Variants in MYBPC2 observed in about 807,000 individuals in gnomAD.
MYBPC2 encodes myosin-binding protein C, fast-type.
MYBPC2 carries 122 observed loss-of-function variants against 137.0 expected under a neutral mutation model. The observed-to-expected ratio is 0.89, with a 90% CI of 0.77 to 1.03. The LOEUF is 1.03. MYBPC2 is among the 50% of genes least tolerant of loss of function. The probability of loss-of-function intolerance (pLI) is 0.00; values close to 1 mark genes in which losing one functional copy is unlikely to be tolerated. For synonymous variants in MYBPC2, 626 were observed against 612.3 expected (o/e 1.02, Z -0.33); for missense variants, 1,500 against 1,534.4 (o/e 0.98, Z 0.37).
rs1421890543 is a variant in MYBPC2 at position 50,435,522 on chromosome 19, G to A, written c.110-254G>A. On this transcript the variant is annotated intron_variant, in intron 2 of 27. Coordinates refer to ENST00000357701, the MANE Select transcript of MYBPC2 (RefSeq NM_004533.4). This position sits in a 1 kb window ranked among gnomAD's most constrained non-coding sequence, Gnocchi z 4.8. The stretch of plus-strand genomic sequence containing the variant: ...TCTCTAAACCTCTCCCGCCCCAAAG[G>A]CACATTCAGTGCCCTCCAGTCCACA... Among the ~76,000 whole-genome samples, 1 of 152,204 alleles carries A rather than the reference G, an allele frequency of 6.6e-6. No homozygotes were observed. The highest frequency in any genetic ancestry group is 1.9e-4 in the East Asian group (1 of 5,196).
intron 23 of MYBPC2, among the ~76,000 whole-genome samples, chr19:50,459,652 A>G (rs2039953319): frequency 1.7e-5 from 1 of 60,376 alleles, no homozygotes; most frequent in Non-Finnish European, 3.1e-5. Flanking sequence ...GAGGTGAGAG[A>G]TGAGGGATGG....
intron 4 of MYBPC2, 56 bp downstream of exon 4, chr19:50,436,216 A>G (rs1414870773): frequency 1.4e-5 from 22 of 1,538,118 alleles, no homozygotes; most frequent in Admixed American, 4.0e-5. Flanking sequence ...TGTGCAGGAC[A>G]TGCTCCTCAG....
intron 4 of MYBPC2, 32 bp downstream of exon 4, chr19:50,436,192 A>G: frequency 6.4e-7 from 1 of 1,564,780 alleles, no homozygotes; most frequent in Non-Finnish European, 8.7e-7. Flanking sequence ...GGGCTGGTGG[A>G]GGGGAGTGGA....
At position 50,466,195 on chromosome 19, in the gene MYBPC2, T is replaced by C. The variant is rs924819129; in HGVS notation, c.3416T>C (p.Val1139Ala). The C allele has an allele frequency of 6.2e-7, 1 of 1,613,746 alleles. No homozygotes were observed. The highest frequency in any genetic ancestry group is 1.3e-5 in the African/African-American group (1 of 74,900). ...CACCCGCTTTCTCGTTTTCCTGCAGTGCCGCAGTGAGACCTGTCCCCTACC... is the reference window on the plus strand; with the variant it reads ...CACCCGCTTTCTCGTTTTCCTGCAGCGCCGCAGTGAGACCTGTCCCCTACC... ...ALAECKLEVR[V>A]PQ Residue 1139 changes from valine (V) to alanine (A), a missense_variant and splice_region_variant, in exon 28 of 28, where the codon GTG (valine) becomes GCG (alanine). Coordinates refer to ENST00000357701, the MANE Select transcript of MYBPC2 (RefSeq NM_004533.4). This position sits in a 1 kb window ranked among gnomAD's most constrained non-coding sequence, Gnocchi z 4.9.
At chr19:50,437,155 G>T (rs183349088) in intron 5 of MYBPC2, among the ~76,000 whole-genome samples, 2 of 152,178 alleles carry the variant, frequency 1.3e-5, no homozygotes, top group African/African-American at 2.4e-5. Context: ...GGCTCTGGGG[G>T]TCTGCAGCCC....
At position 50,442,047 on chromosome 19, in the gene MYBPC2, T is replaced by C. The variant is rs149427707; in HGVS notation, c.770-134T>C. On this transcript the variant is annotated intron_variant, in intron 8 of 27. Transcript: ENST00000357701. Reference sequence around the variant, plus strand: ...AAGTTCTCAAGGATCTCTAAGTTCATAGGAGGCCCCCTGACTTCCTCACTT... The same window carrying C: ...AAGTTCTCAAGGATCTCTAAGTTCACAGGAGGCCCCCTGACTTCCTCACTT... 339 of 1,173,326 alleles carry C rather than the reference T, an allele frequency of 2.9e-4. No individual in the cohort carries two copies. In the African/African-American group the frequency reaches 4.5e-3, roughly 16 times the overall value. 72.7% of individuals were successfully genotyped at this position (1,173,326 alleles called of 1,614,324 possible).
Position 50,462,006 on chromosome 19 carries a change from C to T in MYBPC2, c.3198C>T (p.Ala1066=). 6.4e-7 allele frequency: 1 copy of T among 1,573,280 alleles called. No homozygotes were observed. Among genetic ancestry groups the T allele is most frequent in the Non-Finnish European group, 8.6e-7 (1 of 1,159,414 alleles). The stretch of plus-strand genomic sequence containing the variant: ...TGGTCGTGGCTGGGTACTCGGCAGC[C>T]CTCAACTGTGCTGTCAGAGGCCACC... ...DRVVVAGYSA[A]LNCAVRGHPK... Residue 1066 remains alanine, a synonymous_variant, in exon 26 of 28, where the codon GCC becomes GCT. Coordinates refer to ENST00000357701, the MANE Select transcript of MYBPC2 (RefSeq NM_004533.4).
At chr19:50,438,746 G>T (rs552834373) in intron 7 of MYBPC2, among the ~76,000 whole-genome samples, 1 of 151,946 alleles carries the variant, frequency 6.6e-6, no homozygotes, top group African/African-American at 2.4e-5. Context: ...TGTGTCTGTG[G>T]TCCTAACTAC....
At position 50,445,991 on chromosome 19, in the gene MYBPC2, CA is replaced by C; in HGVS notation, c.1246del (p.Arg416GlyfsTer7). On this transcript the variant is annotated frameshift_variant, in exon 12 of 28. Coordinates refer to ENST00000357701, the MANE Select transcript of MYBPC2 (RefSeq NM_004533.4). LOFTEE classifies it high-confidence loss of function. Reference protein sequence around the residue: ...LIFSDVVQEDRGRYQVITNGG... With the variant: ...LIFSDVVQEDXGRYQVITNGG... The stretch of plus-strand genomic sequence containing the variant: ...TCTTCTCAGACGTGGTCCAGGAGGA[CA>C]GGGGTCGCTATCAGGTCATAACCAA... 6.2e-7 allele frequency: 1 copy of C among 1,613,470 alleles called. No individual in the cohort carries two copies. Among genetic ancestry groups the C allele is most frequent in the South Asian group, 1.1e-5 (1 of 90,888 alleles).
chr19:50,463,733 G>A (rs2039990098), intron 26 of MYBPC2, among the ~76,000 whole-genome samples: 1 of 152,142 alleles, frequency 6.6e-6, no homozygotes, highest in Non-Finnish European at 1.5e-5. Flanking sequence ...GAGGTCAGGA[G>A]TTTGAGACCA....
Position 50,435,821 on chromosome 19 carries a change from G to C in MYBPC2, c.155G>C (p.Gly52Ala). The C allele has an allele frequency of 1.2e-6, 2 of 1,610,626 alleles. No homozygotes were observed. The highest frequency in any genetic ancestry group is 1.7e-6 in the Non-Finnish European group (2 of 1,178,448). ...DQSPTAEEPT[G>A]VFLKKPDSVS... Reference sequence around the variant, plus strand: ...TCCCCGACTGCAGAGGAGCCCACCGGCGTTTTCCTGAAGAAGCCGGACTCC... The same window carrying C: ...TCCCCGACTGCAGAGGAGCCCACCGCCGTTTTCCTGAAGAAGCCGGACTCC... Residue 52 changes from glycine (G) to alanine (A), a missense_variant, in exon 3 of 28, where the codon GGC becomes GCC. Physicochemically the swap from Gly to Ala is moderately conservative, Grantham distance 60. Coordinates refer to ENST00000357701, the MANE Select transcript of MYBPC2 (RefSeq NM_004533.4). This position sits in a 1 kb window ranked among gnomAD's most constrained non-coding sequence, Gnocchi z 4.8.
chr19:50,454,050 A>C lies in MYBPC2; in HGVS notation c.1780A>C (p.Ile594Leu). Residue 594 changes from isoleucine (I) to leucine (L), a missense_variant, in exon 17 of 28, where the codon ATC becomes CTC. Transcript: ENST00000357701. ...VFTTTEGRTRIEKRVDCSSFV... is the reference protein window; with the variant it reads ...VFTTTEGRTRLEKRVDCSSFV... ...CACGACCACCGAGGGCAGGACCCGC[A>C]TCGAGAAGCGGGTGGACTGCAGCAG... 1 of 1,607,734 alleles carries C rather than the reference A, an allele frequency of 6.2e-7. No individual in the cohort carries two copies.
rs1221538941 is a variant in MYBPC2, at chr19:50,454,361, C to T, written c.2006C>T (p.Pro669Leu). The change falls in exon 18 of 28, where the codon CCA becomes CTA. Residue 669 changes from proline (P) to leucine (L), a missense_variant. By Grantham distance (98) the Pro-to-Leu change is moderately conservative. Coordinates refer to ENST00000357701, the MANE Select transcript of MYBPC2 (RefSeq NM_004533.4). ...CCACCAATGTACGATGGGGGGAAGC[C>T]AGTCACCGGTGAGTGCCTCTGTCCT... is the stretch of plus-strand genomic sequence containing the variant. ...WEPPMYDGGK[P>L]VTGYLVERKK... 5 of 1,608,530 alleles carry T rather than the reference C, an allele frequency of 3.1e-6. No individual in the cohort carries two copies. The African/African-American group carries it at 6.7e-5, about 22-fold the overall frequency.
intron 26 of MYBPC2, 111 bp downstream of exon 26, chr19:50,462,147 C>G (rs1262988368): frequency 3.8e-5 from 53 of 1,388,332 alleles, no homozygotes; most frequent in Non-Finnish European, 4.3e-5. Context: ...TTCTCTGTCT[C>G]AAGGGATTTA....
chr19:50,437,463 C>A lies in MYBPC2; in HGVS notation c.464-10C>A, dbSNP rs377197888. On this transcript the variant is annotated splice_polypyrimidine_tract_variant and intron_variant, in intron 5 of 27. Transcript: ENST00000357701. ...AACTCACCTTCCCTTCTCTCATCAC[C>A]TCTCCCCAGCACCCCGTCAGGATGC... 4 of 1,609,286 alleles carry A rather than the reference C, an allele frequency of 2.5e-6. No homozygotes were observed. In the African/African-American group the frequency reaches 5.3e-5, roughly 21 times the overall value.
intron 23 of MYBPC2, 70 bp downstream of exon 23, chr19:50,459,376 AGAGATGAGGGGTGGGGAAGGAGGTGG>A: frequency 1.3e-6 from 1 of 795,752 alleles, no homozygotes; most frequent in Non-Finnish European, 1.8e-6. Flanking sequence ...GGAGGAGGTA[AGAGATGAGGGGTGGGGAAGGAGGTGG>A]GAGATGAAGG....
rs12609691 is a variant in MYBPC2, at chr19:50,435,115, G to C, written c.20-46G>C. The C allele has an allele frequency of 0.01, 7,790 of 757,452 alleles. 369 individuals are homozygous for C. In the East Asian group the frequency reaches 0.12, roughly 11 times the overall value. 46.9% of individuals were successfully genotyped at this position (757,452 alleles called of 1,614,324 possible). ...CTCCTGCGTCTGAGGGAGGGGCATG[G>C]GTGTGCAGACCGCATGCTCAACTAT... On this transcript the variant is annotated intron_variant, in intron 1 of 27. Transcript: ENST00000357701. The surrounding 1 kb of genome is among the most constrained non-coding windows in gnomAD (Gnocchi z 4.8).
At chr19:50,452,924 G>A (rs993733178) in intron 16 of MYBPC2, among the ~76,000 whole-genome samples, 6 of 151,986 alleles carry the variant, frequency 3.9e-5, no homozygotes, top group Middle Eastern at 3.4e-3. Context: ...CAGGCCCTGG[G>A]ACAGCTCGAT....
intron 20 of MYBPC2, among the ~76,000 whole-genome samples, chr19:50,455,907 T>A (rs2039905987): frequency 6.6e-6 from 1 of 152,202 alleles, no homozygotes; most frequent in Non-Finnish European, 1.5e-5. Flanking sequence ...CATTTATCTT[T>A]TATCTTTTAC....
Sources: gnomAD v4.1 joint callset for allele counts (sites outside exome capture counted in the v4.1 genomes callset) on GRCh38, gnomAD v4.1.1 for gene constraint, Gnocchi (gnomAD v3.1) non-coding constraint, MANE v1.5 for transcripts, NCBI Gene and HGNC (gene_info 2026-07-23, HGNC 2026-07-21) for gene names.